Variants in KLHL4 observed in about 807,000 individuals in gnomAD.
The protein encoded by KLHL4 is kelch like family member 4.
A neutral mutation model predicts 45.8 loss-of-function variants in KLHL4; 17 were observed. That is an observed-to-expected ratio of 0.37 (90% CI 0.25 to 0.56). KLHL4 has a LOEUF of 0.56. Ranked by LOEUF, KLHL4 falls within the 20% of genes least tolerant of loss-of-function variation. The pLI is 0.79. For missense variants in KLHL4, 544 were observed against 544.9 expected, an observed-to-expected ratio of 1.00 and a Z score of 0.02; for synonymous variants, 224 against 189.9, an observed-to-expected ratio of 1.18 and a Z score of -1.47.
At chrX:87,655,153 A>G (rs1207565092) in intron 9 of KLHL4, among the ~76,000 whole-genome samples, 1 of 111,463 alleles carries the variant, frequency 9.0e-6, no homozygotes, top group Non-Finnish European at 1.9e-5. Context: ...TTTTTACTTA[A>G]GTCCCATTTG....
chrX:87,537,039 T>A (rs2147770541), intron 1 of KLHL4, among the ~76,000 whole-genome samples: 1 of 111,937 alleles, frequency 8.9e-6, no homozygotes, highest in South Asian at 3.7e-4. Flanking sequence ...GCTACTGATT[T>A]GTTGAATGAT....
At chrX:87,614,169 C>T (rs1922476850) in intron 2 of KLHL4, 125 bp downstream of exon 2, 32 of 582,675 alleles carry the variant, frequency 5.5e-5, no homozygotes, top group Non-Finnish European at 7.9e-5. Flanking sequence ...AAAAAGTCTT[C>T]GCCTATATGA....
chrX:87,551,367 A>C (rs1486758058), intron 1 of KLHL4, among the ~76,000 whole-genome samples: 1 of 111,509 alleles, frequency 9.0e-6, no homozygotes, highest in East Asian at 2.8e-4. Flanking sequence ...CAAACAAATA[A>C]AAACATCCCA....
chrX:87,540,795 ATTGT>A (rs1398377290), intron 1 of KLHL4, among the ~76,000 whole-genome samples: 5 of 112,022 alleles, frequency 4.5e-5, no homozygotes, highest in Non-Finnish European at 9.4e-5. Context: ...CAGTAACATC[ATTGT>A]TTATTATCAT....
intron 9 of KLHL4, among the ~76,000 whole-genome samples, chrX:87,660,465 A>G (rs1417267203): frequency 1.8e-5 from 2 of 112,226 alleles, no homozygotes; most frequent in Non-Finnish European, 3.8e-5. Flanking sequence ...TGGAATTACT[A>G]TATTTGGGAA....
chrX:87,524,768 A>T (rs1243382528), intron 1 of KLHL4, among the ~76,000 whole-genome samples: 1 of 112,386 alleles, frequency 8.9e-6, no homozygotes, highest in Non-Finnish European at 1.9e-5. Context: ...TAATTGTAAC[A>T]TATTTACGAT....
intron 1 of KLHL4, among the ~76,000 whole-genome samples, chrX:87,612,154 C>G (rs1922401778): frequency 9.0e-6 from 1 of 111,463 alleles, no homozygotes; most frequent in African/African-American, 3.3e-5. Context: ...CCTAGATGTA[C>G]AGTGTTTATA....
intron 4 of KLHL4, 83 bp from the exon 5 acceptor site, chrX:87,622,128 A>G: frequency 3.2e-6 from 2 of 618,620 alleles, no homozygotes; most frequent in Non-Finnish European, 5.1e-6. Flanking sequence ...CTGAAGTTTA[A>G]GAACATGAAA....
At chrX:87,650,493 A>T (rs754278710) in intron 9 of KLHL4, among the ~76,000 whole-genome samples, 27 of 112,099 alleles carry the variant, frequency 2.4e-4, no homozygotes, top group Non-Finnish European at 4.3e-4. Context: ...CTTACTTTCC[A>T]ATTTGCCTGA....
intron 1 of KLHL4, among the ~76,000 whole-genome samples, chrX:87,583,819 A>G (rs1344031697): frequency 9.0e-6 from 1 of 111,172 alleles, no homozygotes; most frequent in Non-Finnish European, 1.9e-5. Flanking sequence ...GGAACTTTGC[A>G]TAGCAACTTA....
At chrX:87,553,970 A>T (rs1055575343) in intron 1 of KLHL4, among the ~76,000 whole-genome samples, 2 of 109,301 alleles carry the variant, frequency 1.8e-5, no homozygotes, top group African/African-American at 3.3e-5. Context: ...ATTTTTAAAT[A>T]GGGAATCCTT....
intron 9 of KLHL4, among the ~76,000 whole-genome samples, chrX:87,648,439 C>T (rs1168319012): frequency 9.0e-6 from 1 of 111,371 alleles, no homozygotes; most frequent in Non-Finnish European, 1.9e-5. Context: ...CAACTCAGTT[C>T]AGTTGGAAGT....
intron 4 of KLHL4, among the ~76,000 whole-genome samples, chrX:87,620,578 C>G (rs755127196): frequency 8.9e-6 from 1 of 111,972 alleles, no homozygotes; most frequent in East Asian, 2.8e-4. Context: ...AATATTAATG[C>G]AGTTTCAGAG....
chrX:87,662,343 A>C (rs1009928535), intron 9 of KLHL4, among the ~76,000 whole-genome samples: 1 of 112,125 alleles, frequency 8.9e-6, no homozygotes, highest in Non-Finnish European at 1.9e-5. Context: ...TCATAGATGA[A>C]GAAAACAATT....
intron 4 of KLHL4, among the ~76,000 whole-genome samples, chrX:87,618,664 C>T (rs1191735503): frequency 9.1e-6 from 1 of 110,467 alleles, no homozygotes; most frequent in Non-Finnish European, 1.9e-5. Flanking sequence ...CCATGCCCTG[C>T]TTTTTTTTGT....
At position 87,666,760 on chromosome X, in the gene KLHL4, T is replaced by C. The variant is rs41312554; in HGVS notation, c.*226T>C. On this transcript the variant is annotated 3_prime_UTR_variant, in exon 11 of 11. Transcript: ENST00000373119. Reference sequence around the variant, plus strand: ...TAAGCATATGTGCTTTCGCAGCTGATAATATAAAAGGAAATCCCACAGTCT... The same window carrying C: ...TAAGCATATGTGCTTTCGCAGCTGACAATATAAAAGGAAATCCCACAGTCT... 35,367 of 920,606 alleles carry C rather than the reference T, an allele frequency of 0.038. 624 individuals are homozygous for C. The highest frequency in any genetic ancestry group is 0.14 in the South Asian group (3,227 of 22,464). The allele number at this position is 920,606 out of a possible 1,213,427, so 75.9% of individuals were successfully genotyped here. A position where few individuals can be genotyped will look rare whatever the true frequency, so the allele number is the denominator to read the frequency against.
intron 1 of KLHL4, among the ~76,000 whole-genome samples, chrX:87,535,477 T>C (rs1931407795): frequency 8.9e-6 from 1 of 112,057 alleles, no homozygotes; most frequent in Non-Finnish European, 1.9e-5. Context: ...CAAACCTTAG[T>C]ATCCTAAAAA....
chrX:87,640,638 A>G (rs1236375867), intron 9 of KLHL4, among the ~76,000 whole-genome samples: 2 of 111,833 alleles, frequency 1.8e-5, no homozygotes, highest in East Asian at 5.6e-4. Flanking sequence ...AAAGTCCAGC[A>G]TCCCTTTATC....
intron 3 of KLHL4, among the ~76,000 whole-genome samples, chrX:87,615,389 CCAA>C (rs1325136513): frequency 9.0e-6 from 1 of 111,184 alleles, no homozygotes; most frequent in Non-Finnish European, 1.9e-5. Context: ...GAATTTGGTA[CCAA>C]CAACAATTCA....
Sources: allele counts gnomAD v4.1 joint callset (sites outside exome capture counted in the v4.1 genomes callset), GRCh38; gene constraint gnomAD v4.1.1; transcripts MANE v1.5; gene names NCBI Gene and HGNC (gene_info 2026-07-23, HGNC 2026-07-21).